Variants in SKAP1 observed in about 807,000 individuals in gnomAD.
SKAP1 encodes the protein src kinase-associated phosphoprotein 1.
Under a neutral mutation model 58.5 loss-of-function variants are expected in SKAP1, and 44 were observed. That is an observed-to-expected ratio of 0.75 (90% confidence interval 0.59 to 0.97). SKAP1 has a LOEUF of 0.97. Ranked by LOEUF, SKAP1 falls within the 50% of genes least tolerant of loss-of-function variation. The pLI, the probability that SKAP1 is intolerant of heterozygous loss-of-function variation, is 0.00. For missense variants in SKAP1, 390 were observed against 435.2 expected, an observed-to-expected ratio of 0.90 and a Z score of 0.92; for synonymous variants, 127 against 149.7, an observed-to-expected ratio of 0.85 and a Z score of 1.11.
At chr17:48,226,571 G>A (rs950980205) in intron 4 of SKAP1, among the ~76,000 whole-genome samples, 2 of 152,080 alleles carry the variant, frequency 1.3e-5, no homozygotes, top group African/African-American at 4.8e-5. Flanking sequence ...CTAAGTATGA[G>A]GTTTGAAATA....
intron 2 of SKAP1, among the ~76,000 whole-genome samples, chr17:48,367,058 A>G (rs17696640): frequency 0.21 from 32,177 of 151,922 alleles, 3,419 homozygotes; most frequent in Admixed American, 0.22. Context: ...CATGATGCCC[A>G]CTCCAACTAA....
At chr17:48,243,049 A>G (rs1167641150) in intron 4 of SKAP1, among the ~76,000 whole-genome samples, 1 of 152,216 alleles carries the variant, frequency 6.6e-6, no homozygotes, top group African/African-American at 2.4e-5. Context: ...TGCCACCACA[A>G]TATTTCCATT....
the SKAP1 span, among the ~76,000 whole-genome samples, chr17:48,443,364 C>T: frequency 3.3e-5 from 5 of 152,200 alleles, no homozygotes; most frequent in Non-Finnish European, 2.9e-5. Context: ...TCAGATCTTA[C>T]CTATCTTATT....
intron 4 of SKAP1, among the ~76,000 whole-genome samples, chr17:48,216,329 A>C (rs1008238954): frequency 3.3e-5 from 5 of 152,228 alleles, no homozygotes; most frequent in African/African-American, 1.2e-4. Context: ...AGAGCTTACA[A>C]CTGAGATTCT....
chr17:48,218,023 GAGA>G (rs1274711173), intron 4 of SKAP1, among the ~76,000 whole-genome samples: 1 of 152,226 alleles, frequency 6.6e-6, no homozygotes, highest in Non-Finnish European at 1.5e-5. Context: ...TGATTTCATA[GAGA>G]AGGAGGAAGG....
chr17:48,376,786 T>C (rs2067155610), intron 2 of SKAP1, among the ~76,000 whole-genome samples: 1 of 152,112 alleles, frequency 6.6e-6, no homozygotes, highest in East Asian at 1.9e-4. Flanking sequence ...AATCAAATTG[T>C]GTAGAAGTGA....
intron 4 of SKAP1, among the ~76,000 whole-genome samples, chr17:48,268,988 G>C (rs921767881): frequency 1.3e-5 from 2 of 151,930 alleles, no homozygotes; most frequent in Non-Finnish European, 2.9e-5. Context: ...CCTAGTACTG[G>C]TACAAAAATA....
intron 2 of SKAP1, among the ~76,000 whole-genome samples, chr17:48,386,929 C>G (rs1247081716): frequency 6.6e-6 from 1 of 152,230 alleles, no homozygotes; most frequent in Non-Finnish European, 1.5e-5. Context: ...GCAATTAATT[C>G]TAGTTATGCC....
At chr17:48,340,621 A>T (rs1255258983) in intron 4 of SKAP1, among the ~76,000 whole-genome samples, 2 of 152,180 alleles carry the variant, frequency 1.3e-5, no homozygotes, top group African/African-American at 4.8e-5. Flanking sequence ...TTACATTATA[A>T]AGTAATAAAA....
chr17:48,270,050 G>A (rs2065607398), intron 4 of SKAP1, among the ~76,000 whole-genome samples: 1 of 152,126 alleles, frequency 6.6e-6, no homozygotes, highest in Non-Finnish European at 1.5e-5. Flanking sequence ...GGCGGAGGTT[G>A]CAGTGAGCCA....
At chr17:48,142,417 A>G (rs1482774001) in intron 11 of SKAP1, among the ~76,000 whole-genome samples, 1 of 152,182 alleles carries the variant, frequency 6.6e-6, no homozygotes, top group Non-Finnish European at 1.5e-5. Context: ...AGCCAAGATC[A>G]TGCCATTGCA....
intron 2 of SKAP1, among the ~76,000 whole-genome samples, chr17:48,384,747 C>T (rs1005948372): frequency 6.6e-6 from 1 of 152,168 alleles, no homozygotes; most frequent in African/African-American, 2.4e-5. Context: ...GGGATGGTGG[C>T]TGCTGAGTAG....
At chr17:48,230,958 A>C (rs2065119481) in intron 4 of SKAP1, among the ~76,000 whole-genome samples, 1 of 152,240 alleles carries the variant, frequency 6.6e-6, no homozygotes, top group South Asian at 2.1e-4. Context: ...ATATTATCTC[A>C]TGTAATCTGC....
intron 2 of SKAP1, among the ~76,000 whole-genome samples, chr17:48,390,537 A>G (rs1450466722): frequency 6.6e-6 from 1 of 152,232 alleles, no homozygotes; most frequent in African/African-American, 2.4e-5. Flanking sequence ...AATGTGCCCA[A>G]GTGATAACGA....
intron 4 of SKAP1, among the ~76,000 whole-genome samples, chr17:48,241,729 A>T (rs559792139): frequency 6.6e-6 from 1 of 152,356 alleles, no homozygotes; most frequent in Middle Eastern, 3.4e-3. Flanking sequence ...TAATAGTAGA[A>T]ATGATACATG....
At chr17:48,349,404 A>C (rs2066766929) in intron 3 of SKAP1, among the ~76,000 whole-genome samples, 1 of 152,208 alleles carries the variant, frequency 6.6e-6, no homozygotes, top group Non-Finnish European at 1.5e-5. Flanking sequence ...TCTCACAAGC[A>C]AGACCCCTTG....
chr17:48,372,161 G>A (rs2067096147), intron 2 of SKAP1, among the ~76,000 whole-genome samples: 2 of 151,982 alleles, frequency 1.3e-5, no homozygotes, highest in Admixed American at 1.3e-4. Context: ...TAGTAGAGAT[G>A]GGGTTTTCCC....
At chr17:48,139,118 A>G (rs2063738310) in intron 11 of SKAP1, among the ~76,000 whole-genome samples, 1 of 151,160 alleles carries the variant, frequency 6.6e-6, no homozygotes, top group Non-Finnish European at 1.5e-5. Flanking sequence ...CGACTTCGTG[A>G]TCTGCTCACC....
At chr17:48,174,930 T>C (rs774474107) in intron 9 of SKAP1, among the ~76,000 whole-genome samples, 8 of 152,174 alleles carry the variant, frequency 5.3e-5, no homozygotes, top group Non-Finnish European at 1.2e-4. Context: ...TCATCTCAAT[T>C]GGGAAAACAG....
Sources: allele counts gnomAD v4.1 joint callset (sites outside exome capture counted in the v4.1 genomes callset), GRCh38; gene constraint gnomAD v4.1.1; transcripts MANE v1.5; gene names NCBI Gene and HGNC (gene_info 2026-07-23, HGNC 2026-07-21).